FOXN3: variants seen among roughly 807,000 people sequenced by gnomAD.
FOXN3 encodes the protein forkhead box N3.
FOXN3 carries 7 observed loss-of-function variants against 38.4 expected under a neutral mutation model. That is an observed-to-expected ratio of 0.18 (90% CI 0.10 to 0.34). FOXN3 has a LOEUF of 0.34. Among genes scored for constraint, FOXN3 ranks in the 10% least tolerant of loss-of-function variants. The pLI is 1.00. For missense variants in FOXN3, 456 were observed against 613.4 expected, an observed-to-expected ratio of 0.74 and a Z score of 2.71; for synonymous variants, 230 against 242.2, an observed-to-expected ratio of 0.95 and a Z score of 0.47.
intron 3 of FOXN3, among the ~76,000 whole-genome samples, chr14:89,327,176 TATA>T (rs1310954662): frequency 6.6e-6 from 1 of 152,196 alleles, no homozygotes; most frequent in Non-Finnish European, 1.5e-5. Flanking sequence ...TGAGAGATCA[TATA>T]ATGTTTCCTT....
chr14:89,340,078 AAG>A (rs1888573987), intron 3 of FOXN3, among the ~76,000 whole-genome samples: 1 of 152,144 alleles, frequency 6.6e-6, no homozygotes, highest in African/African-American at 2.4e-5. Flanking sequence ...TGCAAAGAGA[AAG>A]AGAGAGGAAA....
intron 5 of FOXN3, among the ~76,000 whole-genome samples, chr14:89,167,254 A>C (rs953601881): frequency 1.3e-5 from 2 of 152,250 alleles, no homozygotes; most frequent in African/African-American, 4.8e-5. Flanking sequence ...TCAGCTAACA[A>C]GTCAAGGTGT....
intron 2 of FOXN3, among the ~76,000 whole-genome samples, chr14:89,380,379 T>C (rs1014779509): frequency 1.3e-5 from 2 of 152,240 alleles, no homozygotes; most frequent in Non-Finnish European, 2.9e-5. Context: ...CAGGTATGTC[T>C]TTATTTGCAG....
intron 1 of FOXN3, among the ~76,000 whole-genome samples, chr14:89,481,045 T>C (rs1209110462): frequency 6.6e-6 from 1 of 151,938 alleles, no homozygotes; most frequent in Non-Finnish European, 1.5e-5. Context: ...GCTTTTTATT[T>C]GATAATATTC....
intron 2 of FOXN3, among the ~76,000 whole-genome samples, chr14:89,369,569 G>A (rs530574730): frequency 2.6e-5 from 4 of 151,690 alleles, no homozygotes; most frequent in Non-Finnish European, 4.4e-5. Flanking sequence ...TTAAAAAAGA[G>A]GTTTAATGGA....
At chr14:89,577,352 A>G (rs1895653903) in intron 1 of FOXN3, 1 of 152,224 alleles carries the variant, frequency 6.6e-6, no homozygotes, top group South Asian at 2.1e-4. Flanking sequence ...AAATAAAATT[A>G]TAAGGATAGG....
intron 1 of FOXN3, among the ~76,000 whole-genome samples, chr14:89,537,654 C>T (rs777741221): frequency 3.9e-5 from 6 of 152,222 alleles, no homozygotes; most frequent in Non-Finnish European, 5.9e-5. Context: ...CCCTTGGTTC[C>T]CCCACTGCCT....
At chr14:89,426,869 C>T (rs1218196054) in intron 1 of FOXN3, among the ~76,000 whole-genome samples, 1 of 152,100 alleles carries the variant, frequency 6.6e-6, no homozygotes. Flanking sequence ...CTTAGAGAAC[C>T]TCTCAGGGGC....
At chr14:89,584,648 C>T (rs1170109178) in intron 1 of FOXN3, among the ~76,000 whole-genome samples, 1 of 152,034 alleles carries the variant, frequency 6.6e-6, no homozygotes, top group Non-Finnish European at 1.5e-5. Context: ...TTTTCAGGTA[C>T]TTATTTGTCA....
chr14:89,598,306 T>C (rs983693879), intron 1 of FOXN3, among the ~76,000 whole-genome samples: 24 of 152,186 alleles, frequency 1.6e-4, no homozygotes, highest in Admixed American at 2.0e-4. Flanking sequence ...TATTTAACCA[T>C]TGAATTCTTA....
chr14:89,551,879 G>A (rs1047003536), intron 1 of FOXN3, among the ~76,000 whole-genome samples: 1 of 152,134 alleles, frequency 6.6e-6, no homozygotes, highest in African/African-American at 2.4e-5. Flanking sequence ...TCCCAGAGCT[G>A]TTTGGTCTGT....
chr14:89,516,284 C>T (rs1349668452), intron 1 of FOXN3, among the ~76,000 whole-genome samples: 1 of 152,126 alleles, frequency 6.6e-6, no homozygotes, highest in Non-Finnish European at 1.5e-5. Context: ...CTCCTCTCTG[C>T]TTTCTCAGTT....
intron 3 of FOXN3, among the ~76,000 whole-genome samples, chr14:89,293,254 C>A (rs1260901065): frequency 3.3e-5 from 5 of 152,242 alleles, no homozygotes. Context: ...CCCCCTCTGC[C>A]TTGCTTGCCA....
At chr14:89,285,221 C>A (rs1886587736) in intron 3 of FOXN3, among the ~76,000 whole-genome samples, 1 of 152,086 alleles carries the variant, frequency 6.6e-6, no homozygotes, top group Non-Finnish European at 1.5e-5. Context: ...GAACTAGGAC[C>A]TACAAAAGAG....
At chr14:89,314,628 T>G (rs1887668694) in intron 3 of FOXN3, among the ~76,000 whole-genome samples, 1 of 152,218 alleles carries the variant, frequency 6.6e-6, no homozygotes, top group Non-Finnish European at 1.5e-5. Context: ...ATAAGTGTCG[T>G]GCAACACACA....
At chr14:89,590,020 G>A (rs1895918281) in intron 1 of FOXN3, among the ~76,000 whole-genome samples, 1 of 152,136 alleles carries the variant, frequency 6.6e-6, no homozygotes, top group African/African-American at 2.4e-5. Context: ...GCAGGCCCCA[G>A]GTTTCCTGGG....
rs1346100147 is a variant in FOXN3, at chr14:89,417,071, G to C, written c.-215C>G. 6.9e-6 allele frequency: 1 copy of C among 144,158 alleles called. No individual in the cohort carries two copies. The highest frequency in any genetic ancestry group is 2.5e-5 in the African/African-American group (1 of 40,258). 8.9% of individuals were successfully genotyped at this position (144,158 alleles called of 1,614,324 possible). On this transcript the variant is annotated 5_prime_UTR_variant, in exon 1 of 6. Coordinates refer to ENST00000557258, the MANE Select transcript of FOXN3 (RefSeq NM_005197.4). Reference sequence around the variant, plus strand: ...GGGCGCGGGGGTCGCGGCGCGGCATGGGACCTGCGGCGTCCGCCGGGCGCG... The same window carrying C: ...GGGCGCGGGGGTCGCGGCGCGGCATCGGACCTGCGGCGTCCGCCGGGCGCG...
chr14:89,188,908 AC>A (rs1236487543), intron 4 of FOXN3, among the ~76,000 whole-genome samples: 1 of 152,026 alleles, frequency 6.6e-6, no homozygotes, highest in African/African-American at 2.4e-5. Context: ...TAAAAACCAC[AC>A]TCCAGGTTAA....
At chr14:89,584,536 T>C (rs1895807773) in intron 1 of FOXN3, among the ~76,000 whole-genome samples, 1 of 152,204 alleles carries the variant, frequency 6.6e-6, no homozygotes, top group African/African-American at 2.4e-5. Context: ...TACATTCTCA[T>C]CAACATTTAG....
Sources: allele counts gnomAD v4.1 joint callset (sites outside exome capture counted in the v4.1 genomes callset), GRCh38; gene constraint gnomAD v4.1.1; transcripts MANE v1.5; gene names NCBI Gene and HGNC (gene_info 2026-07-23, HGNC 2026-07-21).